KIAA0930: variants seen among roughly 807,000 people sequenced by gnomAD.
The protein encoded by KIAA0930 is uncharacterized protein KIAA0930.
KIAA0930 carries 24 observed loss-of-function variants against 43.9 expected under a neutral mutation model. The ratio of observed to expected loss-of-function variants is 0.55; its 90% CI spans 0.40 to 0.77. The LOEUF is 0.77. Ranked by LOEUF, KIAA0930 falls within the 30% of genes least tolerant of loss-of-function variation. KIAA0930 has a pLI of 0.00. For synonymous variants in KIAA0930, 259 were observed against 216.4 expected (o/e 1.20, Z -1.73); for missense variants, 461 against 574.2 (o/e 0.80, Z 2.02).
chr22:45,200,179 G>T (rs770093695), intron 7 of KIAA0930, 144 bp from the exon 8 acceptor site: 2 of 776,588 alleles, frequency 2.6e-6, no homozygotes, highest in Non-Finnish European at 3.8e-6. Flanking sequence ...AGGCCCAGCC[G>T]GCCCGTGCTA....
intron 2 of KIAA0930, chr22:45,207,485 ATTTTT>A (rs34108837): frequency 7.3e-6 from 1 of 137,358 alleles, no homozygotes. Context: ...ACCACACGTA[ATTTTT>A]TTTTTTTTTT....
chr22:45,220,121 A>G (rs977070884), intron 1 of KIAA0930, among the ~76,000 whole-genome samples: 7 of 152,190 alleles, frequency 4.6e-5, no homozygotes, highest in African/African-American at 1.7e-4. Context: ...CTTATTAAAA[A>G]TATATGCCAT....
At chr22:45,235,834 T>A (rs1474077902) in intron 1 of KIAA0930, among the ~76,000 whole-genome samples, 1 of 152,170 alleles carries the variant, frequency 6.6e-6, no homozygotes, top group Non-Finnish European at 1.5e-5. Context: ...CTGGAGTGCT[T>A]AGCCAGGGCT....
intron 1 of KIAA0930, chr22:45,226,068 A>T: frequency 5.6e-6 from 2 of 356,368 alleles, no homozygotes; most frequent in Non-Finnish European, 5.7e-6. Context: ...CACCACAGAG[A>T]GCCAGTGAAC....
chr22:45,201,766 C>T (rs372181779), intron 7 of KIAA0930, among the ~76,000 whole-genome samples: 60 of 152,292 alleles, frequency 3.9e-4, no homozygotes, highest in African/African-American at 1.4e-3. Context: ...AAAAGATATA[C>T]AGAAGAGAAA....
rs375987164 is a variant in KIAA0930 at position 45,211,943 on chromosome 22, G to A, written c.216+13C>T. On this transcript the variant is annotated intron_variant, in intron 2 of 9. Coordinates refer to ENST00000336156, the MANE Select transcript of KIAA0930 (RefSeq NM_001009880.2). ...GGGCACAGACGCAGGGGCAGGGGCC[G>A]GGGGTCACTCACCTTCCTCCCGTCT... The A allele has an allele frequency of 8.3e-5, 134 of 1,607,036 alleles. No individual in the cohort carries two copies. The African/African-American group carries it at 1.5e-3, about 18-fold the overall frequency.
Position 45,227,529 on chromosome 22 carries a change from T to C in KIAA0930, c.64+13111A>G, listed in dbSNP as rs1170334175. ...GAATCCAGGACAATTAGGTCCAACATCCCCTGCTGCTATGGGACCCTGCAC... is the reference window on the plus strand; with the variant it reads ...GAATCCAGGACAATTAGGTCCAACACCCCCTGCTGCTATGGGACCCTGCAC... On this transcript the variant is annotated intron_variant, in intron 1 of 9. Transcript: ENST00000336156. Among the ~76,000 whole-genome samples, 3 of 152,092 alleles carry C rather than the reference T, an allele frequency of 2.0e-5. No individual in the cohort carries two copies. The East Asian group carries it at 5.8e-4, about 29-fold the overall frequency.
At chr22:45,237,022 T>C (rs1274822938) in intron 1 of KIAA0930, among the ~76,000 whole-genome samples, 1 of 152,192 alleles carries the variant, frequency 6.6e-6, no homozygotes, top group Non-Finnish European at 1.5e-5. Flanking sequence ...CCTGACCAAC[T>C]GTCGGGTGGG....
chr22:45,206,022 T>C, intron 2 of KIAA0930, 110 bp from the exon 3 acceptor site: 1 of 1,520,510 alleles, frequency 6.6e-7, no homozygotes, highest in Non-Finnish European at 8.8e-7. Context: ...TTCTTTTTTC[T>C]TACTATTTTT....
intron 1 of KIAA0930, among the ~76,000 whole-genome samples, chr22:45,225,418 C>T (rs977539424): frequency 6.6e-6 from 1 of 152,190 alleles, no homozygotes; most frequent in African/African-American, 2.4e-5. Context: ...GCCTAAAACC[C>T]CTGCCTGGTT....
chr22:45,226,278 G>A (rs1307863702), intron 1 of KIAA0930: 1 of 471,162 alleles, frequency 2.1e-6, no homozygotes, highest in Admixed American at 2.3e-5. Flanking sequence ...CCATTTTACA[G>A]TTAAGGAAAC....
chr22:45,210,209 T>C (rs890970977), intron 2 of KIAA0930, among the ~76,000 whole-genome samples: 2 of 151,924 alleles, frequency 1.3e-5, no homozygotes, highest in Non-Finnish European at 2.9e-5. Context: ...CATTTGGGGG[T>C]GGGAGAAAAG....
chr22:45,208,001 C>CG (rs2083654094), intron 2 of KIAA0930, among the ~76,000 whole-genome samples: 1 of 152,124 alleles, frequency 6.6e-6, no homozygotes, highest in East Asian at 1.9e-4. Flanking sequence ...ATGAAAGGCT[C>CG]GGGGGCACGA....
chr22:45,224,563 T>G (rs1455376245), intron 1 of KIAA0930, among the ~76,000 whole-genome samples: 2 of 152,176 alleles, frequency 1.3e-5, no homozygotes, highest in Non-Finnish European at 2.9e-5. Context: ...CATCAGTTAG[T>G]TTGGTCTCAT....
At chr22:45,225,786 G>A (rs1202820015) in intron 1 of KIAA0930, among the ~76,000 whole-genome samples, 2 of 152,210 alleles carry the variant, frequency 1.3e-5, no homozygotes, top group African/African-American at 4.8e-5. Context: ...TGCTGCCCGT[G>A]CCCACGTGCA....
chr22:45,217,442 ACAAT>A (rs1385173548), intron 1 of KIAA0930, among the ~76,000 whole-genome samples: 2 of 151,924 alleles, frequency 1.3e-5, no homozygotes, highest in Non-Finnish European at 2.9e-5. Flanking sequence ...ATGGCCAACA[ACAAT>A]CAATGTTGAA....
At chr22:45,233,368 C>T (rs2083866403) in intron 1 of KIAA0930, among the ~76,000 whole-genome samples, 1 of 152,076 alleles carries the variant, frequency 6.6e-6, no homozygotes, top group African/African-American at 2.4e-5. Context: ...GGCTGAGGTT[C>T]AAGTGGAACG....
At chr22:45,197,281 C>A in intron 9 of KIAA0930, 65 bp from the exon 10 acceptor site, 1 of 1,424,412 alleles carries the variant, frequency 7.0e-7, no homozygotes, top group South Asian at 1.3e-5. Flanking sequence ...GCTATGGTCA[C>A]GGCAGTGCCA....
At chr22:45,198,117 C>A in intron 8 of KIAA0930, 169 bp from the exon 9 acceptor site, 1 of 629,844 alleles carries the variant, frequency 1.6e-6, no homozygotes, top group Non-Finnish European at 2.7e-6. Context: ...GCCTCCTCGC[C>A]TGTAACACCC....
Sources: gnomAD v4.1 joint callset for allele counts (sites outside exome capture counted in the v4.1 genomes callset) on GRCh38, gnomAD v4.1.1 for gene constraint, MANE v1.5 for transcripts, NCBI Gene and HGNC (gene_info 2026-07-23, HGNC 2026-07-21) for gene names.